COLGALT1: variants seen among roughly 807,000 people sequenced by gnomAD.
The protein encoded by COLGALT1 is procollagen galactosyltransferase 1.
A neutral mutation model predicts 60.8 loss-of-function variants in COLGALT1; 43 were observed. The observed-to-expected ratio is 0.71, with a 90% CI of 0.55 to 0.91. The LOEUF (loss-of-function observed/expected upper bound fraction) is 0.91, where lower values mean the gene tolerates loss of function less well. COLGALT1 is among the 40% of genes least tolerant of loss of function. The probability of loss-of-function intolerance (pLI) is 0.00; values close to 1 mark genes in which losing one functional copy is unlikely to be tolerated. For synonymous variants in COLGALT1, 369 were observed against 374.2 expected, an observed-to-expected ratio of 0.99 and a Z score of 0.16; for missense variants, 845 against 880.0, an observed-to-expected ratio of 0.96 and a Z score of 0.50.
In COLGALT1 at chr19:17,570,669, G is replaced by C. The variant is rs550884560; in HGVS notation, c.830-1814G>C. On this transcript the variant is annotated intron_variant, in intron 5 of 11. Coordinates refer to ENST00000252599, the MANE Select transcript of COLGALT1 (RefSeq NM_024656.4). Reference sequence around the variant, plus strand: ...CAACCTCCACCTCCCAGGTTCAATTGATTCTCCTGCCTTAGCCTCCCTAGT... The same window carrying C: ...CAACCTCCACCTCCCAGGTTCAATTCATTCTCCTGCCTTAGCCTCCCTAGT... Among the ~76,000 whole-genome samples the C allele has an allele frequency of 1.4e-4, 22 of 152,158 alleles. No homozygotes were observed. In the Middle Eastern group the frequency reaches 0.01, roughly 71 times the overall value.
intron 3 of COLGALT1, among the ~76,000 whole-genome samples, chr19:17,563,679 CAG>C (rs1338674152): frequency 2.0e-5 from 3 of 151,902 alleles, no homozygotes; most frequent in Non-Finnish European, 4.4e-5. Context: ...TTTGTAGAGA[CAG>C]GGTTTCACTA....
rs755975971 is a variant in COLGALT1 at position 17,577,436 on chromosome 19, G to A, written c.1102G>A (p.Glu368Lys). ...MLRALQAQEIECRLVEAVDGK... is the reference protein window; with the variant it reads ...MLRALQAQEIKCRLVEAVDGK... ...GCGGGCGCTGCAGGCACAGGAGATCGAGTGCCGGCTGGTGGAGGCCGTGGA... is the reference window on the plus strand; with the variant it reads ...GCGGGCGCTGCAGGCACAGGAGATCAAGTGCCGGCTGGTGGAGGCCGTGGA... The change falls in exon 8 of 12, where the codon GAG (glutamate) becomes AAG (lysine). Residue 368 changes from glutamate to lysine, a missense_variant. By Grantham distance (56) the Glu-to-Lys change is moderately conservative. Coordinates refer to ENST00000252599, the MANE Select transcript of COLGALT1 (RefSeq NM_024656.4). 8.5e-6 allele frequency: 13 copies of A among 1,522,870 alleles called. No homozygotes were observed. The highest frequency in any genetic ancestry group is 1.1e-5 in the Non-Finnish European group (12 of 1,139,724). 94.3% of individuals were successfully genotyped at this position (1,522,870 alleles called of 1,614,324 possible).
chr19:17,580,374 C>G (rs190679728), intron 10 of COLGALT1: 282 of 438,984 alleles, frequency 6.4e-4, no homozygotes, highest in African/African-American at 4.8e-3. Flanking sequence ...ACTGCCCCCC[C>G]ATCAGGGCAC....
intron 3 of COLGALT1, among the ~76,000 whole-genome samples, chr19:17,564,385 C>A (rs912773381): frequency 6.9e-6 from 1 of 145,364 alleles, no homozygotes. Flanking sequence ...TATAGATATA[C>A]ATATGAAACA....
chr19:17,568,192 G>A (rs1649079471), intron 4 of COLGALT1, among the ~76,000 whole-genome samples: 1 of 152,146 alleles, frequency 6.6e-6, no homozygotes, highest in Non-Finnish European at 1.5e-5. Flanking sequence ...CATCCTTTGG[G>A]TGGGTTCATT....
Position 17,581,166 on chromosome 19 carries a change from C to T in COLGALT1, c.1602-11C>T, listed in dbSNP as rs759569654. The T allele has an allele frequency of 1.2e-6, 2 of 1,602,922 alleles. No homozygotes were observed. The highest frequency in any genetic ancestry group is 8.5e-7 in the Non-Finnish European group (1 of 1,175,634). On this transcript the variant is annotated splice_polypyrimidine_tract_variant and intron_variant, in intron 11 of 11. Transcript: ENST00000252599. ...CATTGCTGCCCCTCACTCCCCTCCT[C>T]CTCCCCCCAGGTCCGAGTACAAGGC... is the stretch of plus-strand genomic sequence containing the variant.
intron 5 of COLGALT1, among the ~76,000 whole-genome samples, chr19:17,572,131 G>A (rs924807987): frequency 1.3e-5 from 2 of 151,960 alleles, no homozygotes; most frequent in African/African-American, 2.4e-5. Context: ...CTAACATGAT[G>A]AAACCCCGTC....
chr19:17,565,193 C>T lies in COLGALT1; in HGVS notation c.490-2213C>T, dbSNP rs1160017580. Reference sequence around the variant, plus strand: ...TTTTTGAGACAGAGTGTTGCTCTGTCGCGCAGGTTTGCAGTGCAGTGGCAC... The same window carrying T: ...TTTTTGAGACAGAGTGTTGCTCTGTTGCGCAGGTTTGCAGTGCAGTGGCAC... On this transcript the variant is annotated intron_variant, in intron 3 of 11. Transcript: ENST00000252599. 4.0e-5 allele frequency among the ~76,000 whole-genome samples: 6 copies of T among 151,610 alleles called. No homozygotes were observed. In the East Asian group the frequency reaches 7.8e-4, roughly 20 times the overall value.
Position 17,559,400 on chromosome 19 carries a change from G to A in COLGALT1, c.350G>A (p.Trp117Ter). ...AAGAGTTTGTACCATTCCGTGGAGT[G>A]GCGGCCAGCAGAGGAGCCCAGGTGA... ...AVKSLYHSVE[W>*]RPAEEPRSYP... The change falls in exon 2 of 12, where the codon TGG (tryptophan) becomes TAG (stop). Residue 117 changes from tryptophan to a stop codon, truncating the protein, a stop_gained. Coordinates refer to ENST00000252599, the MANE Select transcript of COLGALT1 (RefSeq NM_024656.4). LOFTEE classifies it high-confidence loss of function. 1 of 1,551,906 alleles carries A rather than the reference G, an allele frequency of 6.4e-7. No homozygotes were observed. The highest frequency in any genetic ancestry group is 8.7e-7 in the Non-Finnish European group (1 of 1,147,104).
Position 17,569,593 on chromosome 19 carries a change from T to C in COLGALT1, c.829+880T>C, listed in dbSNP as rs1178241992. 9.8e-4 allele frequency among the ~76,000 whole-genome samples: 149 copies of C among 151,872 alleles called. 1 individual carries two copies. The highest frequency in any genetic ancestry group is 1.2e-4 in the Non-Finnish European group (8 of 67,930). Reference sequence around the variant, plus strand: ...CTGGGATTACAGGCATACGCCACCATGTCTGGCTCATTTTTATATTTATAG... The same window carrying C: ...CTGGGATTACAGGCATACGCCACCACGTCTGGCTCATTTTTATATTTATAG... On this transcript the variant is annotated intron_variant, in intron 5 of 11. Coordinates refer to ENST00000252599, the MANE Select transcript of COLGALT1 (RefSeq NM_024656.4).
At chr19:17,561,771 G>C (rs2076251092) in intron 3 of COLGALT1, among the ~76,000 whole-genome samples, 1 of 152,056 alleles carries the variant, frequency 6.6e-6, no homozygotes, top group South Asian at 2.1e-4. Flanking sequence ...AGATTTTGGG[G>C]CGTCCATCCC....
intron 1 of COLGALT1, 66 bp downstream of exon 1, chr19:17,556,039 G>A: frequency 7.9e-7 from 1 of 1,269,728 alleles, no homozygotes; most frequent in Non-Finnish European, 1.0e-6. Flanking sequence ...CCCCATAGGG[G>A]TGGGTCCACG....
chr19:17,568,440 C>A, intron 4 of COLGALT1, 69 bp from the exon 5 acceptor site: 1 of 1,354,722 alleles, frequency 7.4e-7, no homozygotes, highest in Non-Finnish European at 1.1e-6. Context: ...TTTCATGCCG[C>A]CCACTATCAC....
In COLGALT1 at chr19:17,581,406, C is replaced by T; in HGVS notation, c.1831C>T (p.Gln611Ter). 2 of 1,611,630 alleles carry T rather than the reference C, an allele frequency of 1.2e-6. No homozygotes were observed. Among genetic ancestry groups the T allele is most frequent in the Non-Finnish European group, 8.5e-7 (1 of 1,179,926 alleles). ...TGAGGCCAAGAACTCGGACGTGCTC[C>T]AGTCCCCACTGGACAGTGCTGCCCG... ...SREAKNSDVL[Q>*]SPLDSAARDE... The change falls in exon 12 of 12, where the codon CAG becomes TAG. Residue 611 changes from glutamine to a stop codon, truncating the protein, a stop_gained. Coordinates refer to ENST00000252599, the MANE Select transcript of COLGALT1 (RefSeq NM_024656.4). LOFTEE classifies it high-confidence loss of function.
At chr19:17,577,164 C>G (rs1568480872) in intron 6 of COLGALT1, 31 bp from the exon 7 acceptor site, 3 of 1,609,188 alleles carry the variant, frequency 1.9e-6, no homozygotes, top group Non-Finnish European at 1.7e-6. Flanking sequence ...GCTCCTTACC[C>G]CAGCGACTCC....
intron 4 of COLGALT1, 72 bp from the exon 5 acceptor site, chr19:17,568,437 C>A: frequency 7.6e-7 from 1 of 1,324,288 alleles, no homozygotes; most frequent in Non-Finnish European, 1.1e-6. Context: ...CTGTTTCATG[C>A]CGCCCACTAT....
Position 17,555,801 on chromosome 19 carries a change from G to A in COLGALT1, c.88G>A (p.Ala30Thr). Residue 30 changes from alanine (A) to threonine (T), a missense_variant, in exon 1 of 12, where the codon GCC (alanine) becomes ACC (threonine). Ala to Thr is a moderately conservative substitution (Grantham distance 58). Coordinates refer to ENST00000252599, the MANE Select transcript of COLGALT1 (RefSeq NM_024656.4). Reference sequence around the variant, plus strand: ...GCTGCTGGCGCCACTGCCGCCGGGGGCCCCGCCGGGCGCCGACGCCTACTT... The same window carrying A: ...GCTGCTGGCGCCACTGCCGCCGGGGACCCCGCCGGGCGCCGACGCCTACTT... ...LLLLAPLPPG[A>T]PPGADAYFPE... 2 of 1,251,656 alleles carry A rather than the reference G, an allele frequency of 1.6e-6. No homozygotes were observed. Among genetic ancestry groups the A allele is most frequent in the Non-Finnish European group, 2.0e-6 (2 of 997,756 alleles). The allele number at this position is 1,251,656 out of a possible 1,614,324, so 77.5% of individuals were successfully genotyped here. A position where few individuals can be genotyped will look rare whatever the true frequency, so the allele number is the denominator to read the frequency against.
chr19:17,559,906 G>A lies in COLGALT1; in HGVS notation c.372-442G>A, dbSNP rs561360309. 1.3e-4 allele frequency among the ~76,000 whole-genome samples: 20 copies of A among 152,232 alleles called. No individual in the cohort carries two copies. In the South Asian group the frequency reaches 3.3e-3, roughly 25 times the overall value. ...GGGCTCAAGCCATCCTCCCGCCTCA[G>A]CCTCCTGAGTAGCTGGGACTACAGG... is the stretch of plus-strand genomic sequence containing the variant. On this transcript the variant is annotated intron_variant, in intron 2 of 11. Transcript: ENST00000252599.
intron 2 of COLGALT1, among the ~76,000 whole-genome samples, chr19:17,560,138 T>C (rs2076239327): frequency 6.6e-6 from 1 of 152,048 alleles, no homozygotes. Context: ...CGGGCTTTCT[T>C]CCCTCCAGGC....
Sources: allele counts gnomAD v4.1 joint callset (sites outside exome capture counted in the v4.1 genomes callset), GRCh38; gene constraint gnomAD v4.1.1; transcripts MANE v1.5; gene names NCBI Gene and HGNC (gene_info 2026-07-23, HGNC 2026-07-21).